The following DSE variants were observed in gnomAD, a reference collection of about 807,000 sequenced individuals.
The protein encoded by DSE is dermatan sulfate epimerase.
In DSE, 36 loss-of-function variants were observed where a neutral mutation model predicts 84.4. The ratio of observed to expected loss-of-function variants is 0.43; its 90% CI spans 0.33 to 0.56. The LOEUF (loss-of-function observed/expected upper bound fraction) is 0.56. DSE is among the 20% of genes least tolerant of loss of function. DSE has a pLI of 0.06. For synonymous variants in DSE, 410 were observed against 430.1 expected, an observed-to-expected ratio of 0.95 and a Z score of 0.58; for missense variants, 862 against 1,169.6, an observed-to-expected ratio of 0.74 and a Z score of 3.84.
intron 2 of DSE, among the ~76,000 whole-genome samples, chr6:116,324,163 A>G (rs1414724168): frequency 1.3e-5 from 2 of 152,182 alleles, no homozygotes; most frequent in African/African-American, 4.8e-5. Flanking sequence ...ACAAGTCCCA[A>G]AGCTATGTCT....
chr6:116,260,600 GT>G (rs1335163695), intron 2 of DSE, among the ~76,000 whole-genome samples: 3 of 152,054 alleles, frequency 2.0e-5, no homozygotes, highest in Non-Finnish European at 4.4e-5. Flanking sequence ...GTCTTCCAGG[GT>G]TTTTATAGTT....
chr6:116,348,103 C>T (rs543040844), intron 2 of DSE, among the ~76,000 whole-genome samples: 29 of 152,308 alleles, frequency 1.9e-4, no homozygotes, highest in African/African-American at 6.7e-4. Context: ...GAGATACCAT[C>T]TCACACCAGT....
intron 1 of DSE, among the ~76,000 whole-genome samples, chr6:116,378,739 C>CACCTT (rs1780065533): frequency 6.6e-6 from 1 of 152,134 alleles, no homozygotes; most frequent in Non-Finnish European, 1.5e-5. Flanking sequence ...CATCCATCAC[C>CACCTT]ACCTTACTGT....
intron 1 of DSE, among the ~76,000 whole-genome samples, chr6:116,378,303 G>A (rs1780042508): frequency 6.6e-6 from 1 of 152,050 alleles, no homozygotes; most frequent in Non-Finnish European, 1.5e-5. Context: ...TGCCTTGAAG[G>A]GATGTTAAAT....
intron 5 of DSE, among the ~76,000 whole-genome samples, 190 bp downstream of exon 5, chr6:116,433,740 T>C (rs1016108180): frequency 6.6e-6 from 1 of 152,202 alleles, no homozygotes; most frequent in African/African-American, 2.4e-5. Flanking sequence ...AACTTTTCTT[T>C]TTTAAAAAAA....
At chr6:116,435,335 G>A (rs1784076625) in intron 5 of DSE, among the ~76,000 whole-genome samples, 1 of 152,166 alleles carries the variant, frequency 6.6e-6, no homozygotes, top group African/African-American at 2.4e-5. Context: ...TCCATGTAGA[G>A]ATTAGAGCAG....
At chr6:116,260,246 CTT>C (rs910513923) in intron 2 of DSE, among the ~76,000 whole-genome samples, 2 of 151,316 alleles carry the variant, frequency 1.3e-5, no homozygotes, top group African/African-American at 4.9e-5. Context: ...TGATGTTGAG[CTT>C]TTTTTTTCAC....
Position 116,426,670 on chromosome 6 carries a change from G to A in DSE, c.513G>A (p.Lys171=). 1 of 1,614,122 alleles carries A rather than the reference G, an allele frequency of 6.2e-7. No individual in the cohort carries two copies. Among genetic ancestry groups the A allele is most frequent in the Non-Finnish European group, 8.5e-7 (1 of 1,180,006 alleles). ...ACTTCTTGTACAACTACCTGAGCAA[G>A]ACACAACAGGAGAAGTTTCTTGAAG... is the stretch of plus-strand genomic sequence containing the variant. ...AYDFLYNYLS[K]TQQEKFLEVI... The change falls in exon 3 of 6, where the codon AAG becomes AAA. Residue 171 remains lysine (K), a synonymous_variant. Transcript: ENST00000644252.
intron 2 of DSE, among the ~76,000 whole-genome samples, chr6:116,332,889 T>C (rs1405499365): frequency 6.6e-6 from 1 of 152,124 alleles, no homozygotes; most frequent in Non-Finnish European, 1.5e-5. Flanking sequence ...TTCACAAAAA[T>C]AGATACCCCA....
intron 2 of DSE, chr6:116,401,167 T>G (rs901471343): frequency 2.6e-5 from 4 of 152,098 alleles, no homozygotes; most frequent in Non-Finnish European, 5.9e-5. Flanking sequence ...ACTAGTACAG[T>G]TTTCTCATTA....
intron 2 of DSE, chr6:116,280,182 A>C: frequency 5.2e-6 from 2 of 385,860 alleles, no homozygotes; most frequent in Admixed American, 3.8e-5. Flanking sequence ...CAGTTGTAAA[A>C]TCACAGCCGT....
chr6:116,334,685 T>C (rs1777139313), intron 2 of DSE, among the ~76,000 whole-genome samples: 3 of 152,100 alleles, frequency 2.0e-5, no homozygotes, highest in Admixed American at 6.6e-5. Flanking sequence ...TACTCCATCT[T>C]GAGGAACTTA....
intron 2 of DSE, among the ~76,000 whole-genome samples, chr6:116,406,270 C>T (rs918009197): frequency 1.1e-4 from 16 of 152,160 alleles, no homozygotes; most frequent in African/African-American, 3.1e-4. Context: ...GAGGAGTTCT[C>T]GTCCCTCTTT....
At chr6:116,379,528 A>G (rs1220957007) in intron 1 of DSE, among the ~76,000 whole-genome samples, 2 of 152,154 alleles carry the variant, frequency 1.3e-5, no homozygotes, top group Non-Finnish European at 1.5e-5. Flanking sequence ...TGAGAACCCA[A>G]GAGAAATAGG....
At position 116,433,452 on chromosome 6, in the gene DSE, C is replaced by T; in HGVS notation, c.1020C>T (p.Asn340=). The T allele has an allele frequency of 6.4e-7, 1 of 1,553,292 alleles. No homozygotes were observed. The highest frequency in any genetic ancestry group is 8.7e-7 in the Non-Finnish European group (1 of 1,147,788). The change falls in exon 5 of 6, where the codon AAC becomes AAT. Residue 340 remains asparagine (N), a synonymous_variant. Coordinates refer to ENST00000644252, the MANE Select transcript of DSE (RefSeq NM_013352.4). ...TTGTCATGCGTAATGGCAGTGGTAA[C>T]TGGCTAGCTGACCAAATCAGAAGGA... is the stretch of plus-strand genomic sequence containing the variant. ...DKFVMRNGSG[N]WLADQIRRNR...
At chr6:116,374,101 G>T (rs1779776329) in intron 1 of DSE, among the ~76,000 whole-genome samples, 1 of 151,496 alleles carries the variant, frequency 6.6e-6, no homozygotes, top group Admixed American at 6.6e-5. Context: ...TTTACCGATT[G>T]TGTTGCTTAC....
intron 2 of DSE, chr6:116,259,281 A>G: frequency 1.8e-6 from 1 of 555,466 alleles, no homozygotes; most frequent in Middle Eastern, 4.9e-4. Flanking sequence ...CCAGCACTTT[A>G]CAGCATGATA....
exon 2 of DSE, chr6:116,258,502 G>T: frequency 1.7e-6 from 2 of 1,144,512 alleles, no homozygotes; most frequent in Non-Finnish European, 2.7e-6. Flanking sequence ...ATCAGCGGTT[G>T]GACTTGGCCA....
intron 2 of DSE, among the ~76,000 whole-genome samples, chr6:116,425,230 T>C (rs1055575639): frequency 6.6e-5 from 10 of 152,244 alleles, no homozygotes; most frequent in Non-Finnish European, 1.2e-4. Flanking sequence ...AATAATAGAT[T>C]TCCATGTATC....
Sources: gnomAD v4.1 joint callset for allele counts (sites outside exome capture counted in the v4.1 genomes callset) on GRCh38, gnomAD v4.1.1 for gene constraint, MANE v1.5 for transcripts, NCBI Gene and HGNC (gene_info 2026-07-23, HGNC 2026-07-21) for gene names.